The following MAPK10 variants were observed in gnomAD, a reference collection of about 807,000 sequenced individuals.
MAPK10 encodes the protein mitogen-activated protein kinase 10, also known as JNK3 alpha protein kinase.
Under a neutral mutation model 59.3 loss-of-function variants are expected in MAPK10, and 25 were observed. That is an observed-to-expected ratio of 0.42 (90% CI 0.31 to 0.59). MAPK10 has a LOEUF of 0.59. Ranked by LOEUF, MAPK10 falls within the 20% of genes least tolerant of loss-of-function variation. MAPK10 has a pLI of 0.15. For synonymous variants in MAPK10, 190 were observed against 200.5 expected, an observed-to-expected ratio of 0.95 and a Z score of 0.44; for missense variants, 351 against 568.9, an observed-to-expected ratio of 0.62 and a Z score of 3.90.
intron 1 of MAPK10, among the ~76,000 whole-genome samples, chr4:86,560,617 C>G (rs1760604701): frequency 6.6e-6 from 1 of 152,242 alleles, no homozygotes; most frequent in Non-Finnish European, 1.5e-5. Flanking sequence ...TCACCCTTAT[C>G]TCTCTAACAG....
At chr4:86,144,560 C>T (rs1327161326) in intron 4 of MAPK10, among the ~76,000 whole-genome samples, 2 of 152,166 alleles carry the variant, frequency 1.3e-5, no homozygotes, top group South Asian at 2.1e-4. Flanking sequence ...TTCTCTTTCT[C>T]CTGCCAGAGA....
At chr4:86,294,834 C>T (rs370657125) in intron 2 of MAPK10, among the ~76,000 whole-genome samples, 1 of 152,272 alleles carries the variant, frequency 6.6e-6, no homozygotes, top group African/African-American at 2.4e-5. Flanking sequence ...GGATAGAAAC[C>T]TCTTCGAGGC....
chr4:86,328,155 A>G (rs1448742423), intron 2 of MAPK10, among the ~76,000 whole-genome samples: 1 of 152,110 alleles, frequency 6.6e-6, no homozygotes, highest in Non-Finnish European at 1.5e-5. Flanking sequence ...CAAATTTACA[A>G]GAAAGAAACA....
chr4:86,487,299 G>T (rs1006167933), intron 1 of MAPK10, among the ~76,000 whole-genome samples: 1 of 151,698 alleles, frequency 6.6e-6, no homozygotes, highest in Non-Finnish European at 1.5e-5. Context: ...CACAATAAAG[G>T]ACTAAGAGGT....
Position 86,132,748 on chromosome 4 carries a change from C to T in MAPK10, c.237-25396G>A, listed in dbSNP as rs576951700. ...AGCGTGCACCCTATTGTGAACTGCG[C>T]ATATGAGGGATCTAGGTTGAACACT... On this transcript the variant is annotated intron_variant, in intron 4 of 13. Coordinates refer to ENST00000641462, the MANE Select transcript of MAPK10 (RefSeq NM_138982.4). Among the ~76,000 whole-genome samples the T allele has an allele frequency of 2.6e-5, 4 of 152,200 alleles. No individual in the cohort carries two copies. The South Asian group carries it at 6.2e-4, about 24-fold the overall frequency.
At chr4:86,358,391 C>T in intron 1 of MAPK10, 1 of 985,282 alleles carries the variant, frequency 1.0e-6, no homozygotes, top group South Asian at 4.7e-5. Flanking sequence ...TTTCCTTCCA[C>T]CTGAACTGTA....
At chr4:86,238,074 T>C (rs1215108186) in intron 2 of MAPK10, among the ~76,000 whole-genome samples, 1 of 152,224 alleles carries the variant, frequency 6.6e-6, no homozygotes, top group East Asian at 1.9e-4. Flanking sequence ...ACTTGTCAGT[T>C]TTCCCAGCAC....
intron 4 of MAPK10, among the ~76,000 whole-genome samples, chr4:86,136,585 A>T (rs1369720987): frequency 7.0e-6 from 1 of 143,746 alleles, no homozygotes; most frequent in Non-Finnish European, 1.5e-5. Context: ...AAATCATGCC[A>T]AAATGTAAAG....
At chr4:86,255,951 T>C (rs1304720085) in intron 2 of MAPK10, among the ~76,000 whole-genome samples, 1 of 151,994 alleles carries the variant, frequency 6.6e-6, no homozygotes, top group Non-Finnish European at 1.5e-5. Flanking sequence ...TAAAATATAA[T>C]TATTCAATTA....
At chr4:86,486,398 G>A (rs1407859056) in intron 1 of MAPK10, among the ~76,000 whole-genome samples, 1 of 152,164 alleles carries the variant, frequency 6.6e-6, no homozygotes, top group Admixed American at 6.5e-5. Flanking sequence ...AGCAATGCAA[G>A]TAACTTTTGA....
intron 2 of MAPK10, among the ~76,000 whole-genome samples, chr4:86,204,145 T>G (rs1163625270): frequency 2.0e-5 from 3 of 151,952 alleles, no homozygotes; most frequent in Admixed American, 1.3e-4. Context: ...TTAGTTGGCC[T>G]TTATAGAAAA....
At chr4:86,251,707 G>T (rs1052097526) in intron 2 of MAPK10, among the ~76,000 whole-genome samples, 2 of 126,986 alleles carry the variant, frequency 1.6e-5, no homozygotes, top group African/African-American at 7.3e-5. Flanking sequence ...GGGATGGCTG[G>T]GTCAAATGGT....
intron 2 of MAPK10, among the ~76,000 whole-genome samples, chr4:86,353,757 C>T (rs1178297452): frequency 1.3e-5 from 2 of 152,142 alleles, no homozygotes. Flanking sequence ...ATATTGATCA[C>T]TAGCTCAAAA....
chr4:86,077,042 A>G (rs999146719), intron 9 of MAPK10, among the ~76,000 whole-genome samples: 1 of 152,166 alleles, frequency 6.6e-6, no homozygotes, highest in African/African-American at 2.4e-5. Context: ...AATGGCATTT[A>G]ATAAGAATTA....
intron 2 of MAPK10, among the ~76,000 whole-genome samples, chr4:86,275,955 C>T (rs1417659337): frequency 6.6e-6 from 1 of 152,020 alleles, no homozygotes; most frequent in Non-Finnish European, 1.5e-5. Context: ...ACATGAATAG[C>T]AGCCATGTCT....
At chr4:86,166,470 T>G (rs958565595) in intron 3 of MAPK10, among the ~76,000 whole-genome samples, 26 of 151,820 alleles carry the variant, frequency 1.7e-4, no homozygotes, top group Non-Finnish European at 1.5e-5. Flanking sequence ...ATTATAATTA[T>G]CATTATTATT....
At chr4:86,322,560 A>G (rs1164633174) in intron 2 of MAPK10, among the ~76,000 whole-genome samples, 1 of 152,218 alleles carries the variant, frequency 6.6e-6, no homozygotes, top group African/African-American at 2.4e-5. Context: ...AGTACCTTGG[A>G]GGCACTCCTG....
intron 4 of MAPK10, among the ~76,000 whole-genome samples, chr4:86,157,348 C>T (rs2149223164): frequency 6.6e-6 from 1 of 152,044 alleles, no homozygotes; most frequent in East Asian, 1.9e-4. Flanking sequence ...CATGCGGTGA[C>T]ACATGGACAA....
chr4:86,492,496 G>A (rs913673476), intron 1 of MAPK10, among the ~76,000 whole-genome samples: 8 of 152,194 alleles, frequency 5.3e-5, no homozygotes, highest in Non-Finnish European at 8.8e-5. Context: ...GCTAGACTCC[G>A]TGAGTTCAAA....
Sources: gnomAD v4.1 joint callset for allele counts (sites outside exome capture counted in the v4.1 genomes callset) on GRCh38, gnomAD v4.1.1 for gene constraint, MANE v1.5 for transcripts, NCBI Gene and HGNC (gene_info 2026-07-23, HGNC 2026-07-21) for gene names.